Variants in CSNK2A2 observed in about 807,000 individuals in gnomAD.
CSNK2A2 encodes the protein casein kinase 2 alpha 2.
In CSNK2A2, 8 loss-of-function variants were observed where a neutral mutation model predicts 54.0. That is an observed-to-expected ratio of 0.15 (90% CI 0.09 to 0.27). The LOEUF is 0.27. Among genes scored for constraint, CSNK2A2 ranks in the 10% least tolerant of loss-of-function variants. The pLI, the probability that CSNK2A2 is intolerant of heterozygous loss-of-function variation, is 1.00. For synonymous variants in CSNK2A2, 141 were observed against 153.9 expected (o/e 0.92, Z 0.62); for missense variants, 242 against 439.4 (o/e 0.55, Z 4.02).
chr16:58,180,553 C>A (rs1405900443), intron 4 of CSNK2A2, among the ~76,000 whole-genome samples: 1 of 152,020 alleles, frequency 6.6e-6, no homozygotes. Context: ...AGTCTTCCTC[C>A]CATCCTTGAA....
intron 4 of CSNK2A2, among the ~76,000 whole-genome samples, chr16:58,180,363 A>T (rs1962003818): frequency 7.0e-6 from 1 of 143,268 alleles, no homozygotes; most frequent in Non-Finnish European, 1.5e-5. Context: ...AACTACAGAT[A>T]CTCCAGAGTT....
intron 4 of CSNK2A2, among the ~76,000 whole-genome samples, chr16:58,176,550 C>G (rs1019644290): frequency 6.6e-6 from 1 of 152,192 alleles, no homozygotes; most frequent in Admixed American, 6.5e-5. Flanking sequence ...AAATTCAAGA[C>G]TATGCAGGGT....
intron 5 of CSNK2A2, among the ~76,000 whole-genome samples, chr16:58,173,234 C>G (rs1356279500): frequency 6.6e-6 from 1 of 152,138 alleles, no homozygotes; most frequent in African/African-American, 2.4e-5. Context: ...TCTGATCTTA[C>G]TGACAAAAAG....
At chr16:58,184,505 G>A (rs962727186) in intron 3 of CSNK2A2, among the ~76,000 whole-genome samples, 195 bp from the exon 4 acceptor site, 3 of 152,238 alleles carry the variant, frequency 2.0e-5, no homozygotes, top group South Asian at 2.1e-4. Flanking sequence ...TGGGGATAGT[G>A]GGAGGTGGGA....
At chr16:58,165,794 A>C in intron 9 of CSNK2A2, 86 bp from the exon 10 acceptor site, 62 of 1,397,070 alleles carry the variant, frequency 4.4e-5, no homozygotes, top group Non-Finnish European at 5.2e-5. Flanking sequence ...ACAAAATCTC[A>C]GAATAATGTA....
At chr16:58,177,950 C>T (rs964338377) in intron 4 of CSNK2A2, among the ~76,000 whole-genome samples, 30 of 152,116 alleles carry the variant, frequency 2.0e-4, no homozygotes, top group African/African-American at 6.3e-4. Context: ...AAAGTTATTA[C>T]GAATCCCCTG....
intron 2 of CSNK2A2, among the ~76,000 whole-genome samples, chr16:58,191,623 A>G (rs1597125569): frequency 6.6e-6 from 1 of 152,296 alleles, no homozygotes; most frequent in South Asian, 2.1e-4. Context: ...TCGGCCTACC[A>G]AAGGGCTGGG....
chr16:58,177,768 T>C (rs976640782), intron 4 of CSNK2A2, among the ~76,000 whole-genome samples: 2 of 152,098 alleles, frequency 1.3e-5, no homozygotes, highest in Non-Finnish European at 2.9e-5. Context: ...CTGTCATGTG[T>C]AGAGAGAAGA....
chr16:58,171,324 A>C (rs1315577451), intron 5 of CSNK2A2, among the ~76,000 whole-genome samples: 1 of 152,060 alleles, frequency 6.6e-6, no homozygotes, highest in Non-Finnish European at 1.5e-5. Flanking sequence ...GAGTTTTGAG[A>C]CCAGCCTGAC....
chr16:58,183,905 G>GT (rs1411265170), intron 4 of CSNK2A2, among the ~76,000 whole-genome samples: 12 of 152,248 alleles, frequency 7.9e-5, no homozygotes, highest in Admixed American at 7.9e-4. Flanking sequence ...CAAGGGCCTT[G>GT]TATCGGTCTA....
At chr16:58,158,993 T>A (rs1961237810) in intron 11 of CSNK2A2, 1 of 152,190 alleles carries the variant, frequency 6.6e-6, no homozygotes, top group Admixed American at 6.5e-5. Context: ...ACTACAGTAC[T>A]GAGGAAGGAC....
At chr16:58,182,135 C>CT (rs1400981563) in intron 4 of CSNK2A2, among the ~76,000 whole-genome samples, 1 of 151,852 alleles carries the variant, frequency 6.6e-6, no homozygotes, top group Non-Finnish European at 1.5e-5. Context: ...GAAACATCCC[C>CT]TTTGAGGGTT....
Position 58,197,570 on chromosome 16 carries a change from G to T in CSNK2A2, c.104+63C>A. 2.5e-6 allele frequency: 3 copies of T among 1,212,422 alleles called. No homozygotes were observed. Among genetic ancestry groups the T allele is most frequent in the African/African-American group, 1.6e-5 (1 of 62,730 alleles). The allele number at this position is 1,212,422 out of a possible 1,614,324, so 75.1% of individuals were successfully genotyped here. A position where few individuals can be genotyped will look rare whatever the true frequency, so the allele number is the denominator to read the frequency against. ...ACACCACCGGGCCCGAGTGCGGTTCGCAGGGGGTGGCCGGGCGGGGGCAGG... is the reference window on the plus strand; with the variant it reads ...ACACCACCGGGCCCGAGTGCGGTTCTCAGGGGGTGGCCGGGCGGGGGCAGG... On this transcript the variant is annotated intron_variant, in intron 1 of 11. Transcript: ENST00000262506. This position sits in a 1 kb window ranked among gnomAD's most constrained non-coding sequence, Gnocchi z 4.0.
chr16:58,188,862 T>C (rs1300630956), intron 2 of CSNK2A2, among the ~76,000 whole-genome samples: 1 of 152,190 alleles, frequency 6.6e-6, no homozygotes, highest in African/African-American at 2.4e-5. Context: ...ATGTTAACAT[T>C]TGAGGAGTCT....
Position 58,165,700 on chromosome 16 carries a change from C to T in CSNK2A2, c.836G>A (p.Arg279Gln), listed in dbSNP as rs752511537. The T allele has an allele frequency of 1.2e-6, 2 of 1,607,514 alleles. No individual in the cohort carries two copies. Among genetic ancestry groups the T allele is most frequent in the Non-Finnish European group, 1.7e-6 (2 of 1,178,128 alleles). ...ATGGATAAAGTTTTCCCAGCGTTTC[C>T]GTGAATGTCTGAGAAGAAAAATGAA... Reference protein sequence around the residue: ...HFNDILGQHSRKRWENFIHSE... With the variant: ...HFNDILGQHSQKRWENFIHSE... The change falls in exon 10 of 12, where the codon CGG (arginine) becomes CAG (glutamine). Residue 279 changes from arginine to glutamine, a missense_variant. Physicochemically the swap from Arg to Gln is conservative, Grantham distance 43. Around this residue, in one of 5 missense-constraint regions of CSNK2A2, gnomAD observed 81 missense variants for 135.0 expected, o/e 0.60. Transcript: ENST00000262506.
chr16:58,196,640 T>C (rs1459649615), intron 2 of CSNK2A2, 93 bp downstream of exon 2: 1 of 802,890 alleles, frequency 1.2e-6, no homozygotes, highest in East Asian at 2.5e-5. Flanking sequence ...AAATTCAAGC[T>C]TGCATTGCCC....
At chr16:58,191,017 C>T (rs1004675783) in intron 2 of CSNK2A2, among the ~76,000 whole-genome samples, 1 of 152,190 alleles carries the variant, frequency 6.6e-6, no homozygotes, top group African/African-American at 2.4e-5. Context: ...GTGGTATATA[C>T]ATACAATGGA....
chr16:58,161,926 A>C (rs1001140686), intron 11 of CSNK2A2: 1 of 152,262 alleles, frequency 6.6e-6, no homozygotes, highest in African/African-American at 2.4e-5. Context: ...GTCTGCACCT[A>C]CATCACCGTC....
At chr16:58,191,512 C>G (rs753065872) in intron 2 of CSNK2A2, among the ~76,000 whole-genome samples, 1 of 152,104 alleles carries the variant, frequency 6.6e-6, no homozygotes, top group Non-Finnish European at 1.5e-5. Context: ...CAGGCACCCG[C>G]CACCATGGCC....
Sources: allele counts gnomAD v4.1 joint callset (sites outside exome capture counted in the v4.1 genomes callset), GRCh38; gene constraint gnomAD v4.1.1; regional missense constraint gnomAD v4.1.1; non-coding constraint Gnocchi (gnomAD v3.1); transcripts MANE v1.5; gene names NCBI Gene and HGNC (gene_info 2026-07-23, HGNC 2026-07-21).